The following ZNF407 variants were observed in gnomAD, a reference collection of about 807,000 sequenced individuals.
The protein encoded by ZNF407 is zinc finger protein 407.
Under a neutral mutation model 131.2 loss-of-function variants are expected in ZNF407, and 17 were observed. That is an observed-to-expected ratio of 0.13 (90% CI 0.09 to 0.19). ZNF407 has a LOEUF of 0.19. Among genes scored for constraint, ZNF407 ranks in the 10% least tolerant of loss-of-function variants. The pLI is 1.00. For missense variants in ZNF407, 2,681 were observed against 2,830.6 expected, an observed-to-expected ratio of 0.95 and a Z score of 1.20; for synonymous variants, 1,156 against 1,062.0, an observed-to-expected ratio of 1.09 and a Z score of -1.72.
chr18:74,612,363 G>A (rs916889725), intron 1 of ZNF407, among the ~76,000 whole-genome samples: 1 of 152,064 alleles, frequency 6.6e-6, no homozygotes, highest in East Asian at 1.9e-4. Context: ...CTGCACTCAG[G>A]ATTTTGTTAT....
chr18:74,987,767 TACA>T (rs1034379070), intron 8 of ZNF407, among the ~76,000 whole-genome samples: 7 of 152,090 alleles, frequency 4.6e-5, no homozygotes, highest in African/African-American at 1.7e-4. Context: ...TCAAGACCTG[TACA>T]ATAAAAACTA....
At chr18:74,762,479 A>T (rs1296380707) in intron 3 of ZNF407, among the ~76,000 whole-genome samples, 1 of 152,166 alleles carries the variant, frequency 6.6e-6, no homozygotes, top group Non-Finnish European at 1.5e-5. Flanking sequence ...ATACATATTT[A>T]GACATATGTG....
At chr18:74,868,643 C>A (rs1440464228) in intron 4 of ZNF407, among the ~76,000 whole-genome samples, 3 of 152,238 alleles carry the variant, frequency 2.0e-5, no homozygotes, top group Non-Finnish European at 4.4e-5. Flanking sequence ...CTCTTGCATA[C>A]CACCTGGCTG....
chr18:74,779,109 A>ATATATATATATTTTTTTT lies in ZNF407; in HGVS notation c.4803-2318_4803-2317insATATATATATTTTTTTTT, dbSNP rs397943457. 1.7e-3 allele frequency among the ~76,000 whole-genome samples: 42 copies of ATATATATATATTTTTTTT among 24,374 alleles called. 2 individuals carry two copies. Among genetic ancestry groups the ATATATATATATTTTTTTT allele is most frequent in the East Asian group, 7.1e-3 (1 of 140 alleles). 16.0% of individuals were successfully genotyped at this position (24,374 alleles called of 152,430 possible). ...TTGGCATATATATATATATATATATATTTTTTTTTTTTTTTTTTTTTTTTG... is the reference window on the plus strand; with the variant it reads ...TTGGCATATATATATATATATATATATATATATATATTTTTTTTTTTTTTTTTTTTTTTTTTTTTTTTG... On this transcript the variant is annotated intron_variant, in intron 3 of 8. Coordinates refer to ENST00000299687, the MANE Select transcript of ZNF407 (RefSeq NM_017757.3).
Position 74,853,878 on chromosome 18 carries a change from C to T in ZNF407, c.4878-23319C>T, listed in dbSNP as rs1039474414. ...CTAATAGACCAGGAGGGGATGCGAGCGGGGCTTAGATTATGTCAGTTCTTA... is the reference window on the plus strand; with the variant it reads ...CTAATAGACCAGGAGGGGATGCGAGTGGGGCTTAGATTATGTCAGTTCTTA... On this transcript the variant is annotated intron_variant, in intron 4 of 8. Transcript: ENST00000299687. Among the ~76,000 whole-genome samples, 9 of 152,028 alleles carry T rather than the reference C, an allele frequency of 5.9e-5. 1 individual carries two copies. Among genetic ancestry groups the T allele is most frequent in the African/African-American group, 1.9e-4 (8 of 41,368 alleles).
chr18:74,726,052 G>T (rs1968150346), intron 3 of ZNF407, among the ~76,000 whole-genome samples: 1 of 152,112 alleles, frequency 6.6e-6, no homozygotes, highest in Admixed American at 6.5e-5. Flanking sequence ...TATTGTAGGG[G>T]GCGATGGTTA....
intron 4 of ZNF407, among the ~76,000 whole-genome samples, chr18:74,810,272 G>A (rs1478480776): frequency 1.3e-5 from 2 of 152,122 alleles, no homozygotes; most frequent in East Asian, 1.9e-4. Context: ...AAGGCAAGTT[G>A]TTAAGGAAGG....
At chr18:74,764,278 T>C (rs886630324) in intron 3 of ZNF407, among the ~76,000 whole-genome samples, 1 of 152,216 alleles carries the variant, frequency 6.6e-6, no homozygotes, top group Non-Finnish European at 1.5e-5. Flanking sequence ...TAAAAACCTA[T>C]GTTCTGTTTG....
intron 4 of ZNF407, among the ~76,000 whole-genome samples, chr18:74,866,739 ATAT>A (rs1971015994): frequency 6.7e-6 from 1 of 150,068 alleles, no homozygotes; most frequent in Non-Finnish European, 1.5e-5. Context: ...TTCGGTAGAA[ATAT>A]TATTTTATTC....
intron 3 of ZNF407, among the ~76,000 whole-genome samples, chr18:74,760,969 T>C (rs1240221193): frequency 1.3e-5 from 2 of 152,200 alleles, no homozygotes; most frequent in Non-Finnish European, 2.9e-5. Context: ...TTTGCTTTTA[T>C]GGAGGAGCAG....
chr18:74,710,215 A>G (rs772451583), intron 3 of ZNF407, among the ~76,000 whole-genome samples: 1 of 152,216 alleles, frequency 6.6e-6, no homozygotes, highest in South Asian at 2.1e-4. Context: ...AATTGATTTG[A>G]CTAATCCTGC....
intron 4 of ZNF407, among the ~76,000 whole-genome samples, chr18:74,833,663 G>A (rs976445890): frequency 6.6e-6 from 1 of 152,202 alleles, no homozygotes; most frequent in African/African-American, 2.4e-5. Flanking sequence ...CTTGGCACGG[G>A]ACTTAAGGGC....
chr18:74,842,696 T>C (rs1483408548), intron 4 of ZNF407, among the ~76,000 whole-genome samples: 1 of 152,080 alleles, frequency 6.6e-6, no homozygotes, highest in Non-Finnish European at 1.5e-5. Context: ...TTATATACTA[T>C]ATTGTTCCCT....
intron 3 of ZNF407, among the ~76,000 whole-genome samples, chr18:74,727,483 C>A (rs775299529): frequency 7.2e-5 from 11 of 152,070 alleles, no homozygotes; most frequent in Non-Finnish European, 1.6e-4. Context: ...AGGTGGTCTC[C>A]GGGACACAGC....
intron 3 of ZNF407, among the ~76,000 whole-genome samples, chr18:74,709,981 A>G (rs1023795733): frequency 3.9e-5 from 6 of 152,194 alleles, no homozygotes; most frequent in Non-Finnish European, 8.8e-5. Context: ...TTTAAACAGT[A>G]TATTTTTAAA....
Position 74,945,909 on chromosome 18 carries a change from G to A in ZNF407, c.5428+25217G>A, listed in dbSNP as rs576303197. Reference sequence around the variant, plus strand: ...GTCATAACCTCAAAGCTGTCTCCCCGACATCTTCACTGATCACCCTTAAAA... The same window carrying A: ...GTCATAACCTCAAAGCTGTCTCCCCAACATCTTCACTGATCACCCTTAAAA... On this transcript the variant is annotated intron_variant, in intron 8 of 8. Coordinates refer to ENST00000299687, the MANE Select transcript of ZNF407 (RefSeq NM_017757.3). Among the ~76,000 whole-genome samples, 296 of 152,146 alleles carry A rather than the reference G, an allele frequency of 1.9e-3. 3 individuals carry two copies. The highest frequency in any genetic ancestry group is 6.8e-3 in the African/African-American group (283 of 41,500).
At chr18:75,039,718 C>CTTTTTTTTT (rs36086764) in intron 8 of ZNF407, among the ~76,000 whole-genome samples, 1 of 111,936 alleles carries the variant, frequency 8.9e-6, no homozygotes, top group Non-Finnish European at 1.7e-5. Context: ...AGGGGCCAAG[C>CTTTTTTTTT]TTTTTTTTTT....
rs569263960 is a variant in ZNF407 at position 74,634,057 on chromosome 18, G to A, written c.3038G>A (p.Gly1013Asp). 4 of 1,614,044 alleles carry A rather than the reference G, an allele frequency of 2.5e-6. No homozygotes were observed. The South Asian group carries it at 3.3e-5, about 13-fold the overall frequency. ...GDVYSQRDVT[G>D]TGENKCLHCE... ...GTGTACTCCCAGAGAGATGTTACAG[G>A]CACAGGTGAGAATAAGTGTTTGCAC... The change falls in exon 2 of 9, where the codon GGC (glycine) becomes GAC (aspartate). Residue 1013 changes from glycine (G) to aspartate (D), a missense_variant. Gly to Asp is a moderately conservative substitution (Grantham distance 94, BLOSUM62 -1). This residue lies in a region of ZNF407 where 1,789 missense variants were observed against 1,748.7 expected (regional missense o/e 1.02). Coordinates refer to ENST00000299687, the MANE Select transcript of ZNF407 (RefSeq NM_017757.3).
chr18:74,872,766 G>GAAAAAAAAAAAAAAAA (rs5826351), intron 4 of ZNF407, among the ~76,000 whole-genome samples: 3 of 123,190 alleles, frequency 2.4e-5, no homozygotes, highest in African/African-American at 3.3e-5. Context: ...AAAAAAAAAA[G>GAAAAAAAAAAAAAAAA]AAAAAAAAAA....
Sources: gnomAD v4.1 joint callset for allele counts (sites outside exome capture counted in the v4.1 genomes callset) on GRCh38, gnomAD v4.1.1 for gene constraint, gnomAD v4.1.1 regional missense constraint, MANE v1.5 for transcripts, NCBI Gene and HGNC (gene_info 2026-07-23, HGNC 2026-07-21) for gene names.